Variants in XXYLT1 observed in about 807,000 individuals in gnomAD.
XXYLT1 encodes the protein xyloside xylosyltransferase 1.
A neutral mutation model predicts 28.9 loss-of-function variants in XXYLT1; 20 were observed. That is an observed-to-expected ratio of 0.69 (90% CI 0.49 to 1.00). XXYLT1 has a LOEUF of 1.00. XXYLT1 is among the 50% of genes least tolerant of loss of function. The probability of loss-of-function intolerance (pLI) is 0.00; values close to 1 mark genes in which losing one functional copy is unlikely to be tolerated. For missense variants in XXYLT1, 542 were observed against 560.1 expected (o/e 0.97, Z 0.33); for synonymous variants, 257 against 253.8 (o/e 1.01, Z -0.12).
chr3:195,197,458 A>G (rs900948843), intron 2 of XXYLT1, among the ~76,000 whole-genome samples: 1 of 152,112 alleles, frequency 6.6e-6, no homozygotes, highest in Admixed American at 6.5e-5. Flanking sequence ...AAAAAAAAAA[A>G]AAGCTATGTT....
chr3:195,103,843 A>C (rs1185718712), intron 3 of XXYLT1, among the ~76,000 whole-genome samples: 4 of 152,222 alleles, frequency 2.6e-5, no homozygotes, highest in Admixed American at 2.6e-4. Context: ...ACTAGCTGAA[A>C]ATACTAGCTG....
chr3:195,192,894 A>G (rs1292157834), intron 2 of XXYLT1, among the ~76,000 whole-genome samples: 1 of 152,214 alleles, frequency 6.6e-6, no homozygotes, highest in African/African-American at 2.4e-5. Context: ...ATCTCAAGGA[A>G]TCCACACAGA....
At chr3:195,196,112 G>A (rs762496231) in intron 2 of XXYLT1, among the ~76,000 whole-genome samples, 26 of 152,204 alleles carry the variant, frequency 1.7e-4, no homozygotes, top group Admixed American at 1.4e-3. Context: ...TGATGGAAAC[G>A]CTCCGCACCC....
Position 195,195,181 on chromosome 3 carries a change from T to C in XXYLT1, c.652+31528A>G, listed in dbSNP as rs976619809. 3.9e-5 allele frequency among the ~76,000 whole-genome samples: 6 copies of C among 152,240 alleles called. No individual in the cohort carries two copies. The highest frequency in any genetic ancestry group is 5.9e-5 in the Non-Finnish European group (4 of 68,038). ...GACGTTAAATGCTATGGAGGGCCAC[T>C]GAGAACCCTCCAGTGATAAAGCTGG... On this transcript the variant is annotated intron_variant, in intron 2 of 3. Coordinates refer to ENST00000310380, the MANE Select transcript of XXYLT1 (RefSeq NM_152531.5). This position sits in a 1 kb window ranked among gnomAD's most constrained non-coding sequence, Gnocchi z 4.4.
At position 195,078,476 on chromosome 3, in the gene XXYLT1, C is replaced by T. The variant is rs944879153; in HGVS notation, c.786-8365G>A. Among the ~76,000 whole-genome samples, 3 of 152,078 alleles carry T rather than the reference C, an allele frequency of 2.0e-5. No individual in the cohort carries two copies. The highest frequency in any genetic ancestry group is 1.9e-4 in the East Asian group (1 of 5,164). On this transcript the variant is annotated intron_variant, in intron 3 of 3. Coordinates refer to ENST00000310380, the MANE Select transcript of XXYLT1 (RefSeq NM_152531.5). The surrounding 1 kb of genome is among the most constrained non-coding windows in gnomAD (Gnocchi z 5.0). ...GCCCACTGTGCCTCCTCCAGCCTCT[C>T]GTGCCCTGGCCCTCTGGGCACGAGA... is the stretch of plus-strand genomic sequence containing the variant.
intron 1 of XXYLT1, among the ~76,000 whole-genome samples, chr3:195,236,627 T>C (rs1313347404): frequency 6.6e-6 from 1 of 151,492 alleles, no homozygotes; most frequent in Non-Finnish European, 1.5e-5. Flanking sequence ...CACAGTCCCC[T>C]TTATTCTTCC....
intron 3 of XXYLT1, among the ~76,000 whole-genome samples, chr3:195,112,412 GCGCA>G (rs1475001369): frequency 3.4e-5 from 5 of 146,300 alleles, no homozygotes; most frequent in African/African-American, 1.0e-4. Context: ...GCGCACGTGC[GCGCA>G]CACACACACA....
At chr3:195,200,205 G>A (rs190035134) in intron 2 of XXYLT1, among the ~76,000 whole-genome samples, 1 of 152,118 alleles carries the variant, frequency 6.6e-6, no homozygotes, top group Non-Finnish European at 1.5e-5. Context: ...TTCCAGATCT[G>A]GCGCTCTGGA....
chr3:195,256,639 A>C lies in XXYLT1; in HGVS notation c.504+13916T>G. ...TGTAAGCCCCCAGCACTGTTTATAC[A>C]CGCCTGGAAGAGAACAGACTGTTAC... On this transcript the variant is annotated intron_variant, in intron 1 of 3. Coordinates refer to ENST00000310380, the MANE Select transcript of XXYLT1 (RefSeq NM_152531.5). The surrounding 1 kb of genome is among the most constrained non-coding windows in gnomAD (Gnocchi z 4.2). 1.1e-6 allele frequency: 1 copy of C among 930,710 alleles called. No homozygotes were observed. The highest frequency in any genetic ancestry group is 1.3e-6 in the Non-Finnish European group (1 of 780,038). 57.7% of individuals were successfully genotyped at this position (930,710 alleles called of 1,614,324 possible). A position where few individuals can be genotyped will look rare whatever the true frequency, so the allele number is the denominator to read the frequency against.
chr3:195,221,070 A>C (rs1018101744), intron 2 of XXYLT1, among the ~76,000 whole-genome samples: 1 of 144,898 alleles, frequency 6.9e-6, no homozygotes, highest in Non-Finnish European at 1.5e-5. Flanking sequence ...CCTCCACGGC[A>C]TTCCTCCCAT....
chr3:195,190,793 C>A (rs1722389627), intron 2 of XXYLT1, among the ~76,000 whole-genome samples: 2 of 151,954 alleles, frequency 1.3e-5, no homozygotes, highest in South Asian at 4.1e-4. Context: ...CGGGAGCAAA[C>A]TTTCTGTTTT....
intron 3 of XXYLT1, among the ~76,000 whole-genome samples, chr3:195,127,292 G>A (rs9825498): frequency 6.6e-6 from 1 of 152,152 alleles, no homozygotes; most frequent in South Asian, 2.1e-4. Context: ...AGCATCATCC[G>A]TAGATTTGGT....
chr3:195,122,295 T>C lies in XXYLT1; in HGVS notation c.785+34154A>G, dbSNP rs900352748. The C allele has an allele frequency of 2.8e-5, 18 of 644,160 alleles. No individual in the cohort carries two copies. The East Asian group carries it at 4.4e-4, about 16-fold the overall frequency. 39.9% of individuals were successfully genotyped at this position (644,160 alleles called of 1,614,324 possible). On this transcript the variant is annotated intron_variant, in intron 3 of 3. Coordinates refer to ENST00000310380, the MANE Select transcript of XXYLT1 (RefSeq NM_152531.5). ...TGGGGGGATACAATTATTCAGTCCATTGCACCCCTCAGTAGTCTAAAAGGG... is the reference window on the plus strand; with the variant it reads ...TGGGGGGATACAATTATTCAGTCCACTGCACCCCTCAGTAGTCTAAAAGGG...
At chr3:195,149,435 G>T (rs1328906435) in intron 3 of XXYLT1, among the ~76,000 whole-genome samples, 2 of 152,010 alleles carry the variant, frequency 1.3e-5, no homozygotes, top group Non-Finnish European at 2.9e-5. Flanking sequence ...GGAGATCAGG[G>T]CTAGAGCCAT....
chr3:195,110,307 T>A (rs1560100713), intron 3 of XXYLT1, among the ~76,000 whole-genome samples: 2 of 3,720 alleles, frequency 5.4e-4, no homozygotes, highest in African/African-American at 9.5e-4. Flanking sequence ...GTGTGGTATA[T>A]GTGTGTGTGG....
At position 195,150,104 on chromosome 3, in the gene XXYLT1, C is replaced by T. The variant is rs1242052236; in HGVS notation, c.785+6345G>A. Among the ~76,000 whole-genome samples, 3 of 152,214 alleles carry T rather than the reference C, an allele frequency of 2.0e-5. No homozygotes were observed. The highest frequency in any genetic ancestry group is 4.4e-5 in the Non-Finnish European group (3 of 68,036). ...AGGTTAAGTGACTTCCCTAGGTTCACAGAACTTATCAGTGGCCAAGCTGGG... is the reference window on the plus strand; with the variant it reads ...AGGTTAAGTGACTTCCCTAGGTTCATAGAACTTATCAGTGGCCAAGCTGGG... On this transcript the variant is annotated intron_variant, in intron 3 of 3. Transcript: ENST00000310380. The surrounding 1 kb of genome is among the most constrained non-coding windows in gnomAD (Gnocchi z 4.7).
chr3:195,110,981 T>C (rs1367066134), intron 3 of XXYLT1, among the ~76,000 whole-genome samples: 1 of 151,846 alleles, frequency 6.6e-6, no homozygotes, highest in Admixed American at 6.6e-5. Context: ...TTTCTAGGGC[T>C]GCCACGACAA....
At chr3:195,234,177 A>G (rs540951955) in intron 1 of XXYLT1, among the ~76,000 whole-genome samples, 1 of 151,592 alleles carries the variant, frequency 6.6e-6, no homozygotes. Context: ...TCGGCCTCCC[A>G]AAGTGCTGGG....
intron 3 of XXYLT1, 132 bp downstream of exon 3, chr3:195,156,317 A>G: frequency 1.4e-6 from 2 of 1,437,046 alleles, no homozygotes; most frequent in Non-Finnish European, 1.9e-6. Flanking sequence ...AATAAGTACC[A>G]ATGTGTTCCC....
Sources: allele counts gnomAD v4.1 joint callset (sites outside exome capture counted in the v4.1 genomes callset), GRCh38; gene constraint gnomAD v4.1.1; non-coding constraint Gnocchi (gnomAD v3.1); transcripts MANE v1.5; gene names NCBI Gene and HGNC (gene_info 2026-07-23, HGNC 2026-07-21).